The following PXDNL variants were observed in gnomAD, a reference collection of about 807,000 sequenced individuals.
PXDNL encodes the protein peroxidasin like, also known as probable oxidoreductase PXDNL.
A neutral mutation model predicts 150.8 loss-of-function variants in PXDNL; 145 were observed. The ratio of observed to expected loss-of-function variants is 0.96; its 90% CI spans 0.84 to 1.10. PXDNL has a LOEUF of 1.10. PXDNL is among the 50% of genes least tolerant of loss of function. The pLI, the probability that PXDNL is intolerant of heterozygous loss-of-function variation, is 0.00. For missense variants in PXDNL, 2,087 were observed against 1,873.9 expected, an observed-to-expected ratio of 1.11 and a Z score of -2.10; for synonymous variants, 757 against 725.7, an observed-to-expected ratio of 1.04 and a Z score of -0.69.
At chr8:51,676,311 C>T (rs143859954) in intron 1 of PXDNL, among the ~76,000 whole-genome samples, 1,722 of 151,956 alleles carry the variant, frequency 0.011, 16 homozygotes, top group Non-Finnish European at 0.018. Flanking sequence ...GAATCTTGCT[C>T]TGTCACCCAG....
At chr8:51,784,868 C>T (rs2037446352) in intron 1 of PXDNL, among the ~76,000 whole-genome samples, 1 of 152,018 alleles carries the variant, frequency 6.6e-6, no homozygotes, top group Admixed American at 6.6e-5. Flanking sequence ...CTCATTTAAC[C>T]CCCCTCTTTT....
At chr8:51,461,624 T>A (rs957479277) in intron 8 of PXDNL, among the ~76,000 whole-genome samples, 2 of 152,088 alleles carry the variant, frequency 1.3e-5, no homozygotes, top group African/African-American at 4.8e-5. Flanking sequence ...CATAGACATA[T>A]CACAAAGCAC....
intron 1 of PXDNL, among the ~76,000 whole-genome samples, chr8:51,700,318 AAAAT>A (rs767449789): frequency 1.3e-5 from 2 of 151,884 alleles, no homozygotes; most frequent in Non-Finnish European, 2.9e-5. Flanking sequence ...CACACATACA[AAAAT>A]AAATACACAC....
At chr8:51,636,865 G>T (rs1183667870) in intron 2 of PXDNL, among the ~76,000 whole-genome samples, 1 of 151,574 alleles carries the variant, frequency 6.6e-6, no homozygotes, top group Admixed American at 6.6e-5. Context: ...AGCATGGAGT[G>T]TGAGATCTGA....
intron 17 of PXDNL, among the ~76,000 whole-genome samples, chr8:51,379,215 A>G (rs1807458388): frequency 6.6e-6 from 1 of 151,930 alleles, no homozygotes; most frequent in African/African-American, 2.4e-5. Flanking sequence ...AACTCATGCC[A>G]TTTTCTGTCT....
intron 1 of PXDNL, among the ~76,000 whole-genome samples, chr8:51,712,706 A>G (rs998592556): frequency 2.0e-5 from 3 of 152,254 alleles, no homozygotes; most frequent in Non-Finnish European, 4.4e-5. Flanking sequence ...CATTCTATCT[A>G]TGGCACATTT....
At chr8:51,438,962 A>G (rs1253645773) in intron 12 of PXDNL, among the ~76,000 whole-genome samples, 1 of 152,250 alleles carries the variant, frequency 6.6e-6, no homozygotes, top group Non-Finnish European at 1.5e-5. Context: ...ACCTGAAAGC[A>G]TAAAAACTGT....
chr8:51,804,433 A>G (rs1009442128), intron 1 of PXDNL, among the ~76,000 whole-genome samples: 45 of 151,962 alleles, frequency 3.0e-4, no homozygotes, highest in Non-Finnish European at 1.0e-4. Flanking sequence ...TCCATGATTC[A>G]ATTTTTTTTC....
Position 51,760,845 on chromosome 8 carries a change from C to CTTTTTTTTTTTTTTTTTTTTTTTTTTTTT in PXDNL, c.164+48307_164+48335dup, listed in dbSNP as rs71237237. Among the ~76,000 whole-genome samples the CTTTTTTTTTTTTTTTTTTTTTTTTTTTTT allele has an allele frequency of 1.1e-4, 5 of 45,492 alleles. 2 individuals are homozygous for CTTTTTTTTTTTTTTTTTTTTTTTTTTTTT. Among genetic ancestry groups the CTTTTTTTTTTTTTTTTTTTTTTTTTTTTT allele is most frequent in the East Asian group, 2.1e-3 (2 of 954 alleles). The allele number at this position is 45,492 out of a possible 152,430, so 29.8% of individuals were successfully genotyped here. A position where few individuals can be genotyped will look rare whatever the true frequency, so the allele number is the denominator to read the frequency against. On this transcript the variant is annotated intron_variant, in intron 1 of 22. Transcript: ENST00000356297. ...GTTAGCCTGAAGGAAATCACTTAAA[C>CTTTTTTTTTTTTTTTTTTTTTTTTTTTTT]TTTTTTTTTTTTTTTTTTTTTTTTT...
intron 1 of PXDNL, among the ~76,000 whole-genome samples, chr8:51,694,218 G>A (rs543504029): frequency 6.6e-6 from 1 of 152,246 alleles, no homozygotes; most frequent in African/African-American, 2.4e-5. Flanking sequence ...AAAATTAGCT[G>A]GGGGTGGTGG....
chr8:51,439,539 T>C (rs972112804), intron 12 of PXDNL, among the ~76,000 whole-genome samples: 1 of 152,144 alleles, frequency 6.6e-6, no homozygotes, highest in Non-Finnish European at 1.5e-5. Context: ...GAATTAACAG[T>C]ACAGGTTGGG....
chr8:51,754,725 G>A (rs1439272715), intron 1 of PXDNL, among the ~76,000 whole-genome samples: 4 of 152,130 alleles, frequency 2.6e-5, no homozygotes, highest in East Asian at 1.9e-4. Context: ...GGATGGTCTC[G>A]ATCTCCTGAC....
intron 1 of PXDNL, among the ~76,000 whole-genome samples, chr8:51,659,551 T>A (rs146974674): frequency 3.3e-4 from 50 of 152,278 alleles, no homozygotes; most frequent in African/African-American, 1.1e-3. Context: ...GAGAGCAACA[T>A]GAACTAGCTC....
chr8:51,569,121 T>C (rs1271480989), intron 3 of PXDNL, among the ~76,000 whole-genome samples: 1 of 151,936 alleles, frequency 6.6e-6, no homozygotes, highest in African/African-American at 2.4e-5. Flanking sequence ...CTTTCTCTCT[T>C]CTGGCTGCAT....
At chr8:51,615,499 T>C (rs1460908670) in intron 2 of PXDNL, among the ~76,000 whole-genome samples, 1 of 152,170 alleles carries the variant, frequency 6.6e-6, no homozygotes, top group East Asian at 1.9e-4. Flanking sequence ...TTAGCATTGT[T>C]AAAGTAGAGA....
chr8:51,360,290 T>C (rs1233431807), intron 19 of PXDNL, among the ~76,000 whole-genome samples: 1 of 152,158 alleles, frequency 6.6e-6, no homozygotes, highest in Non-Finnish European at 1.5e-5. Context: ...CAAACATGCA[T>C]ACACCCATAC....
At chr8:51,745,717 CAA>C (rs2036976424) in intron 1 of PXDNL, among the ~76,000 whole-genome samples, 1 of 151,548 alleles carries the variant, frequency 6.6e-6, no homozygotes, top group Non-Finnish European at 1.5e-5. Context: ...CACACTCTTC[CAA>C]GAGTCATGGC....
intron 4 of PXDNL, among the ~76,000 whole-genome samples, chr8:51,526,288 G>T (rs1314334730): frequency 6.6e-6 from 1 of 152,116 alleles, no homozygotes; most frequent in Non-Finnish European, 1.5e-5. Flanking sequence ...AACAGAAACA[G>T]CTCTGTTTCA....
intron 8 of PXDNL, among the ~76,000 whole-genome samples, chr8:51,458,539 C>T (rs1046198547): frequency 2.6e-5 from 4 of 152,192 alleles, no homozygotes; most frequent in African/African-American, 7.2e-5. Context: ...ATCTACTCTC[C>T]TCCATCTTCA....
Sources: gnomAD v4.1 joint callset for allele counts (sites outside exome capture counted in the v4.1 genomes callset) on GRCh38, gnomAD v4.1.1 for gene constraint, MANE v1.5 for transcripts, NCBI Gene and HGNC (gene_info 2026-07-23, HGNC 2026-07-21) for gene names.